The following PARD3B variants were observed in gnomAD, a reference collection of about 807,000 sequenced individuals.
PARD3B encodes the protein par-3 family cell polarity regulator beta.
Under a neutral mutation model 130.2 loss-of-function variants are expected in PARD3B, and 103 were observed. The ratio of observed to expected loss-of-function variants is 0.79; its 90% CI spans 0.67 to 0.93. PARD3B has a LOEUF of 0.93. Among genes scored for constraint, PARD3B ranks in the 40% least tolerant of loss-of-function variants. The probability of loss-of-function intolerance (pLI) is 0.00; values close to 1 mark genes in which losing one functional copy is unlikely to be tolerated. For missense variants in PARD3B, 1,609 were observed against 1,499.2 expected, an observed-to-expected ratio of 1.07 and a Z score of -1.21; for synonymous variants, 583 against 553.2, an observed-to-expected ratio of 1.05 and a Z score of -0.76.
chr2:204,892,409 A>G (rs990441212), intron 2 of PARD3B, among the ~76,000 whole-genome samples: 1 of 152,178 alleles, frequency 6.6e-6, no homozygotes, highest in African/African-American at 2.4e-5. Context: ...TTTACTTTGA[A>G]TAATATGAAA....
intron 2 of PARD3B, among the ~76,000 whole-genome samples, chr2:204,885,978 T>C (rs1034889726): frequency 3.3e-5 from 5 of 152,234 alleles, no homozygotes; most frequent in African/African-American, 1.2e-4. Context: ...TTTCTTTTTC[T>C]AAGTGGCATC....
At chr2:205,340,970 A>C (rs2043502686) in intron 18 of PARD3B, among the ~76,000 whole-genome samples, 1 of 152,286 alleles carries the variant, frequency 6.6e-6, no homozygotes, top group African/African-American at 2.4e-5. Flanking sequence ...AAGGCCTACA[A>C]ATGGCCAACA....
Position 204,799,604 on chromosome 2 carries a change from T to C in PARD3B, c.222+113322T>C, listed in dbSNP as rs1258590926. Among the ~76,000 whole-genome samples the C allele has an allele frequency of 6.6e-6, 1 of 152,134 alleles. No individual in the cohort carries two copies. Among genetic ancestry groups the C allele is most frequent in the Admixed American group, 6.5e-5 (1 of 15,278 alleles). ...GCTTCAGGTGTGACACAATGCAGAC[T>C]CAGTGGTGGTGGCCACAGGTGTGCT... On this transcript the variant is annotated intron_variant, in intron 2 of 22. Transcript: ENST00000406610. This position sits in a 1 kb window ranked among gnomAD's most constrained non-coding sequence, Gnocchi z 4.1.
intron 22 of PARD3B, among the ~76,000 whole-genome samples, chr2:205,577,085 G>T (rs1353998223): frequency 6.6e-6 from 1 of 152,070 alleles, no homozygotes; most frequent in Non-Finnish European, 1.5e-5. Flanking sequence ...AATTTTAATT[G>T]CACTTGTTCA....
chr2:204,979,362 C>T (rs16836816), intron 3 of PARD3B, among the ~76,000 whole-genome samples: 46 of 152,260 alleles, frequency 3.0e-4, no homozygotes, highest in Middle Eastern at 3.4e-3. Context: ...GCTTTTAAGA[C>T]GAGACCTGCC....
chr2:204,990,609 A>G (rs10084396), intron 3 of PARD3B, among the ~76,000 whole-genome samples: 3 of 152,080 alleles, frequency 2.0e-5, no homozygotes. Flanking sequence ...GAACACTAAT[A>G]ATTTGTAGAT....
chr2:205,465,734 T>G (rs2048598088), intron 20 of PARD3B, among the ~76,000 whole-genome samples: 2 of 152,032 alleles, frequency 1.3e-5, no homozygotes, highest in African/African-American at 4.8e-5. Flanking sequence ...GCTAAGAAAA[T>G]AGGTACTGAT....
chr2:204,702,566 C>T (rs2037943438), intron 2 of PARD3B, among the ~76,000 whole-genome samples: 1 of 151,834 alleles, frequency 6.6e-6, no homozygotes, highest in South Asian at 2.1e-4. Flanking sequence ...TGTCTTTTGC[C>T]TATTTTTATT....
chr2:204,920,499 G>A (rs1384504378), intron 2 of PARD3B, among the ~76,000 whole-genome samples: 1 of 152,164 alleles, frequency 6.6e-6, no homozygotes, highest in Non-Finnish European at 1.5e-5. Flanking sequence ...TAGGAAAGAA[G>A]ATCTCAATTG....
At chr2:205,342,264 G>A (rs923122917) in intron 18 of PARD3B, among the ~76,000 whole-genome samples, 27 of 152,216 alleles carry the variant, frequency 1.8e-4, no homozygotes, top group Non-Finnish European at 3.2e-4. Flanking sequence ...TTAATATCCC[G>A]TCTCTACAAT....
chr2:205,036,298 T>G (rs949690906), intron 3 of PARD3B, among the ~76,000 whole-genome samples: 1 of 147,280 alleles, frequency 6.8e-6, no homozygotes, highest in Non-Finnish European at 1.5e-5. Flanking sequence ...GTGGGCTATA[T>G]ATATAAAAAT....
intron 3 of PARD3B, among the ~76,000 whole-genome samples, chr2:204,976,689 C>A (rs116327304): frequency 1.3e-5 from 2 of 148,872 alleles, no homozygotes; most frequent in Non-Finnish European, 3.0e-5. Context: ...CTCACTGCAA[C>A]CTCCACCCCT....
At chr2:205,487,113 A>T (rs2106307215) in intron 20 of PARD3B, among the ~76,000 whole-genome samples, 1 of 152,320 alleles carries the variant, frequency 6.6e-6, no homozygotes, top group East Asian at 1.9e-4. Context: ...TGACCCAAGC[A>T]TCCCTTCTGG....
At chr2:205,069,071 C>A (rs1472642879) in intron 4 of PARD3B, among the ~76,000 whole-genome samples, 1 of 150,948 alleles carries the variant, frequency 6.6e-6, no homozygotes, top group Non-Finnish European at 1.5e-5. Context: ...TTTACTCTAT[C>A]TGCCAGTTTC....
At chr2:205,153,051 C>T (rs1290519901) in intron 10 of PARD3B, among the ~76,000 whole-genome samples, 2 of 152,194 alleles carry the variant, frequency 1.3e-5, no homozygotes, top group Non-Finnish European at 2.9e-5. Flanking sequence ...GCTGGTGGTC[C>T]ACTCCAGACC....
chr2:205,120,297 A>G (rs1358701712), intron 7 of PARD3B, among the ~76,000 whole-genome samples: 1 of 152,138 alleles, frequency 6.6e-6, no homozygotes, highest in Non-Finnish European at 1.5e-5. Flanking sequence ...AAAATTTAGT[A>G]TAGAGTTAGT....
chr2:204,615,252 A>G (rs2034068069), intron 1 of PARD3B, among the ~76,000 whole-genome samples: 1 of 152,152 alleles, frequency 6.6e-6, no homozygotes, highest in African/African-American at 2.4e-5. Context: ...AAACTCAGCA[A>G]TTGGTGGTTT....
At position 205,015,696 on chromosome 2, in the gene PARD3B, CTT is replaced by C. The variant is rs1299520473; in HGVS notation, c.395-31884_395-31883del. Reference sequence around the variant, plus strand: ...TTCTTACTCTAGATACTGAGAATCTCTTCTGTCAGTCATCTTGTGCAGTGGGG... The same window carrying C: ...TTCTTACTCTAGATACTGAGAATCTCCTGTCAGTCATCTTGTGCAGTGGGG... On this transcript the variant is annotated intron_variant, in intron 3 of 22. Coordinates refer to ENST00000406610, the MANE Select transcript of PARD3B (RefSeq NM_001302769.2). The surrounding 1 kb of genome is among the most constrained non-coding windows in gnomAD (Gnocchi z 4.5). 2.6e-5 allele frequency among the ~76,000 whole-genome samples: 4 copies of C among 152,194 alleles called. No individual in the cohort carries two copies. The highest frequency in any genetic ancestry group is 9.6e-5 in the African/African-American group (4 of 41,464).
chr2:205,252,776 A>T (rs1247630489), intron 16 of PARD3B, among the ~76,000 whole-genome samples: 1 of 151,286 alleles, frequency 6.6e-6, no homozygotes, highest in African/African-American at 2.4e-5. Flanking sequence ...TAAACAGATT[A>T]AATAAGAGGT....
Sources: allele counts gnomAD v4.1 joint callset (sites outside exome capture counted in the v4.1 genomes callset), GRCh38; gene constraint gnomAD v4.1.1; non-coding constraint Gnocchi (gnomAD v3.1); transcripts MANE v1.5; gene names NCBI Gene and HGNC (gene_info 2026-07-23, HGNC 2026-07-21).